Variants in PJA2 observed in about 807,000 individuals in gnomAD.
PJA2 encodes the protein E3 ubiquitin-protein ligase Praja-2.
A neutral mutation model predicts 69.3 loss-of-function variants in PJA2; 25 were observed. The observed-to-expected ratio is 0.36, with a 90% CI of 0.26 to 0.50. The LOEUF is 0.50. PJA2 is among the 20% of genes least tolerant of loss of function. The pLI is 0.96. For missense variants in PJA2, 809 were observed against 830.2 expected (o/e 0.97, Z 0.31); for synonymous variants, 308 against 277.8 (o/e 1.11, Z -1.08).
At chr5:109,390,373 C>A (rs1747254602) in intron 1 of PJA2, among the ~76,000 whole-genome samples, 1 of 151,830 alleles carries the variant, frequency 6.6e-6, no homozygotes, top group Admixed American at 6.6e-5. Context: ...CTCCTTAAAT[C>A]TATTTTGTCT....
intron 1 of PJA2, among the ~76,000 whole-genome samples, chr5:109,405,367 G>A (rs1158462505): frequency 6.6e-6 from 1 of 152,116 alleles, no homozygotes; most frequent in Non-Finnish European, 1.5e-5. Flanking sequence ...CTATGCATTC[G>A]ACACAAACCA....
At chr5:109,353,519 T>C (rs1030695120) in intron 7 of PJA2, among the ~76,000 whole-genome samples, 40 of 134,014 alleles carry the variant, frequency 3.0e-4, no homozygotes, top group Non-Finnish European at 5.2e-4. Context: ...GATATCTATA[T>C]ATTAGATATC....
chr5:109,378,288 G>C lies in PJA2; in HGVS notation c.1199C>G (p.Ala400Gly), dbSNP rs768185565. ...ATCCACCTCTTGCCTTCCTGCTGTG[G>C]CTCCACTTTCTGATGTCATTTGGTT... ...ENNQMTSESG[A>G]TAGRQEVDNT... The change falls in exon 4 of 10, where the codon GCC becomes GGC. Residue 400 changes from alanine to glycine, a missense_variant. Around this residue, in one of 4 missense-constraint regions of PJA2, gnomAD observed 700 missense variants for 639.5 expected, o/e 1.09. Coordinates refer to ENST00000361189, the MANE Select transcript of PJA2 (RefSeq NM_014819.5). The C allele has an allele frequency of 6.2e-7, 1 of 1,613,978 alleles. No individual in the cohort carries two copies. The highest frequency in any genetic ancestry group is 1.7e-5 in the Admixed American group (1 of 60,002).
In PJA2 at chr5:109,378,564, C is replaced by T. The variant is rs769906130; in HGVS notation, c.923G>A (p.Ser308Asn). Residue 308 changes from serine to asparagine, a missense_variant, in exon 4 of 10, where the codon AGT (serine) becomes AAT (asparagine). Physicochemically the swap from Ser to Asn is conservative, Grantham distance 46 (BLOSUM62 1). Around this residue, in one of 4 missense-constraint regions of PJA2, gnomAD observed 700 missense variants for 639.5 expected, o/e 1.09. Transcript: ENST00000361189. ...TGGCCTCACTACCTGTTCAGGAGAA[C>T]TTCCATGGTTCTTTTCCCTATCATT... The part of the protein sequence containing the change: ...NTNDREKNHG[S>N]SPEQVVRPKV... 5 of 1,614,156 alleles carry T rather than the reference C, an allele frequency of 3.1e-6. No homozygotes were observed. The highest frequency in any genetic ancestry group is 1.7e-5 in the Admixed American group (1 of 60,024).
chr5:109,342,094 G>T (rs1762078000), intron 9 of PJA2, among the ~76,000 whole-genome samples: 4 of 124,430 alleles, frequency 3.2e-5, no homozygotes, highest in Admixed American at 1.5e-4. Flanking sequence ...GTCCGGGAGG[G>T]AGGTGGGGAT....
intron 2 of PJA2, among the ~76,000 whole-genome samples, chr5:109,382,072 A>T: frequency 6.6e-6 from 1 of 152,158 alleles, no homozygotes; most frequent in East Asian, 1.9e-4. Flanking sequence ...ATATTATATT[A>T]ATATAAGTGC....
intron 1 of PJA2, among the ~76,000 whole-genome samples, chr5:109,402,852 G>A (rs1472961701): frequency 6.6e-6 from 1 of 151,864 alleles, no homozygotes; most frequent in East Asian, 1.9e-4. Context: ...AACCTTCATG[G>A]GTCAAAGTGG....
At chr5:109,372,017 A>G (rs1265015702) in intron 4 of PJA2, among the ~76,000 whole-genome samples, 1 of 152,264 alleles carries the variant, frequency 6.6e-6, no homozygotes, top group African/African-American at 2.4e-5. Context: ...AGCCATCAAT[A>G]ACTGTTAGCG....
intron 1 of PJA2, among the ~76,000 whole-genome samples, chr5:109,386,210 C>T (rs1005887722): frequency 6.6e-6 from 1 of 151,614 alleles, no homozygotes; most frequent in African/African-American, 2.4e-5. Context: ...GAAAAAACAA[C>T]AGAGGGCAGT....
chr5:109,390,522 A>G (rs932685218), intron 1 of PJA2: 1 of 151,980 alleles, frequency 6.6e-6, no homozygotes, highest in Non-Finnish European at 1.5e-5. Flanking sequence ...ACTTATATAT[A>G]ATGTCTGATA....
intron 7 of PJA2, among the ~76,000 whole-genome samples, chr5:109,348,751 G>A (rs1198087153): frequency 3.3e-5 from 5 of 152,238 alleles, no homozygotes; most frequent in South Asian, 2.1e-4. Context: ...CCAGCTGAGT[G>A]AGCTTCTGGC....
At chr5:109,374,118 T>C (rs1762720322) in intron 4 of PJA2, among the ~76,000 whole-genome samples, 1 of 152,232 alleles carries the variant, frequency 6.6e-6, no homozygotes, top group Non-Finnish European at 1.5e-5. Flanking sequence ...ATGGATTATG[T>C]CCAAATATAT....
chr5:109,363,053 ATAT>A, intron 5 of PJA2, 31 bp from the exon 6 acceptor site: 2 of 1,527,164 alleles, frequency 1.3e-6, no homozygotes, highest in Non-Finnish European at 1.8e-6. Flanking sequence ...GAAGAAAAAA[ATAT>A]TATTTTAAAA....
chr5:109,357,665 G>A (rs1762435153), intron 6 of PJA2, among the ~76,000 whole-genome samples: 1 of 152,220 alleles, frequency 6.6e-6, no homozygotes, highest in South Asian at 2.1e-4. Flanking sequence ...TCAAGTAACA[G>A]AAGAAACATT....
intron 9 of PJA2, among the ~76,000 whole-genome samples, chr5:109,340,095 C>T (rs557320030): frequency 8.5e-5 from 13 of 152,310 alleles, no homozygotes; most frequent in African/African-American, 2.6e-4. Flanking sequence ...GTGCTGTTTA[C>T]TGAAGACTGC....
intron 7 of PJA2, among the ~76,000 whole-genome samples, chr5:109,355,278 T>C (rs555188890): frequency 1.3e-5 from 2 of 152,296 alleles, no homozygotes; most frequent in South Asian, 2.1e-4. Flanking sequence ...GGAAATCACT[T>C]TGGAAATAGT....
chr5:109,406,497 G>T (rs925493955), intron 1 of PJA2, among the ~76,000 whole-genome samples: 1 of 152,088 alleles, frequency 6.6e-6, no homozygotes, highest in Non-Finnish European at 1.5e-5. Flanking sequence ...CACTAAAAGG[G>T]CTAAAATTTA....
chr5:109,379,754 T>A (rs1449896425), intron 3 of PJA2, among the ~76,000 whole-genome samples: 6 of 152,192 alleles, frequency 3.9e-5, no homozygotes, highest in Non-Finnish European at 7.3e-5. Flanking sequence ...TTGTTGGCAA[T>A]TCACAAAATT....
intron 1 of PJA2, among the ~76,000 whole-genome samples, chr5:109,400,823 T>C (rs1175633178): frequency 1.3e-5 from 2 of 150,870 alleles, no homozygotes; most frequent in African/African-American, 4.9e-5. Flanking sequence ...ACTAAAAAAA[T>C]ACAAAAAAAA....
Sources: gnomAD v4.1 joint callset for allele counts (sites outside exome capture counted in the v4.1 genomes callset) on GRCh38, gnomAD v4.1.1 for gene constraint, gnomAD v4.1.1 regional missense constraint, MANE v1.5 for transcripts, NCBI Gene and HGNC (gene_info 2026-07-23, HGNC 2026-07-21) for gene names.